The following NKAIN2 variants were observed in gnomAD, a reference collection of about 807,000 sequenced individuals.
NKAIN2 encodes sodium/potassium transporting ATPase interacting 2, also known as sodium/potassium-transporting ATPase subunit beta-1-interacting protein 2.
NKAIN2 carries 14 observed loss-of-function variants against 32.6 expected under a neutral mutation model. The observed-to-expected ratio is 0.43, with a 90% CI of 0.28 to 0.67. NKAIN2 has a LOEUF of 0.67. Among genes scored for constraint, NKAIN2 ranks in the 30% least tolerant of loss-of-function variants. The pLI, the probability that NKAIN2 is intolerant of heterozygous loss-of-function variation, is 0.17. For missense variants in NKAIN2, 198 were observed against 258.3 expected (o/e 0.77, Z 1.60); for synonymous variants, 80 against 87.2 (o/e 0.92, Z 0.46).
chr6:124,542,448 T>C (rs1056450667), intron 3 of NKAIN2, among the ~76,000 whole-genome samples: 11 of 152,246 alleles, frequency 7.2e-5, no homozygotes, highest in Admixed American at 5.9e-4. Context: ...CGAATAGGTG[T>C]CTTGGACAAC....
At chr6:124,329,044 G>A (rs1797543633) in intron 2 of NKAIN2, among the ~76,000 whole-genome samples, 2 of 152,196 alleles carry the variant, frequency 1.3e-5, no homozygotes, top group South Asian at 4.1e-4. Context: ...CCCCACTGCT[G>A]CAGATGGTTG....
At chr6:124,578,582 G>C (rs115522104) in intron 3 of NKAIN2, among the ~76,000 whole-genome samples, 1 of 152,062 alleles carries the variant, frequency 6.6e-6, no homozygotes, top group South Asian at 2.1e-4. Context: ...AGATTTCTAA[G>C]GGTTTCAACT....
At chr6:123,984,822 T>A (rs1230631031) in intron 1 of NKAIN2, among the ~76,000 whole-genome samples, 1 of 152,160 alleles carries the variant, frequency 6.6e-6, no homozygotes, top group Non-Finnish European at 1.5e-5. Context: ...AGTTGAGACA[T>A]GTATTGATTA....
intron 1 of NKAIN2, among the ~76,000 whole-genome samples, chr6:124,115,916 G>C (rs1378675900): frequency 6.6e-6 from 1 of 151,956 alleles, no homozygotes; most frequent in Non-Finnish European, 1.5e-5. Context: ...TGGTGTCTTA[G>C]TGTGCTATGT....
chr6:124,133,944 A>G (rs1786603974), intron 1 of NKAIN2, among the ~76,000 whole-genome samples: 1 of 152,186 alleles, frequency 6.6e-6, no homozygotes, highest in African/African-American at 2.4e-5. Context: ...GAACCAAAAA[A>G]GTAGTTTTGG....
At chr6:124,079,834 A>T (rs866421121) in intron 1 of NKAIN2, among the ~76,000 whole-genome samples, 1 of 152,100 alleles carries the variant, frequency 6.6e-6, no homozygotes, top group South Asian at 2.1e-4. Flanking sequence ...GTCTCCCGAA[A>T]CACAGGAAAC....
At chr6:124,636,177 C>T (rs553293193) in intron 3 of NKAIN2, among the ~76,000 whole-genome samples, 4 of 150,896 alleles carry the variant, frequency 2.7e-5, no homozygotes, top group South Asian at 2.1e-4. Flanking sequence ...GAAAACTGAA[C>T]AACATTTTGC....
At chr6:124,570,350 G>C (rs1200911470) in intron 3 of NKAIN2, among the ~76,000 whole-genome samples, 1 of 152,156 alleles carries the variant, frequency 6.6e-6, no homozygotes, top group Non-Finnish European at 1.5e-5. Flanking sequence ...TAATCCCCAA[G>C]ACCATGGGGA....
chr6:123,962,943 T>C (rs1266501206), intron 1 of NKAIN2, among the ~76,000 whole-genome samples: 5 of 152,188 alleles, frequency 3.3e-5, no homozygotes. Flanking sequence ...CCAACTCCCC[T>C]TGGACCTCAG....
rs138065018 is a variant in NKAIN2, at chr6:124,823,408, G to A, written c.*179G>A. The A allele has an allele frequency of 6.5e-4, 384 of 586,684 alleles. 3 individuals are homozygous for A. Among genetic ancestry groups the A allele is most frequent in the Middle Eastern group, 2.9e-3 (7 of 2,408 alleles). The allele number at this position is 586,684 out of a possible 1,614,324, so 36.3% of individuals were successfully genotyped here. ...CACACACACACACACACGTGAGCAC[G>A]CACACACCAATTCCACTTGACCTCC... is the stretch of plus-strand genomic sequence containing the variant. On this transcript the variant is annotated 3_prime_UTR_variant, in exon 7 of 7. Coordinates refer to ENST00000368417, the MANE Select transcript of NKAIN2 (RefSeq NM_001040214.3).
At chr6:123,946,009 A>C (rs1372820693) in intron 1 of NKAIN2, among the ~76,000 whole-genome samples, 3 of 152,132 alleles carry the variant, frequency 2.0e-5, no homozygotes, top group African/African-American at 7.2e-5. Flanking sequence ...TATCAAGTTC[A>C]TTCCATTTTT....
chr6:124,783,777 A>G (rs1435149138), intron 4 of NKAIN2, among the ~76,000 whole-genome samples: 1 of 152,224 alleles, frequency 6.6e-6, no homozygotes, highest in Non-Finnish European at 1.5e-5. Context: ...TGTAGATGGA[A>G]TAAGATGAAA....
At chr6:124,812,998 G>T (rs184605950) in intron 5 of NKAIN2, among the ~76,000 whole-genome samples, 1 of 146,050 alleles carries the variant, frequency 6.8e-6, no homozygotes, top group East Asian at 2.0e-4. Flanking sequence ...ATGCCAAGTC[G>T]CATGAAAGAA....
At chr6:124,345,851 T>C (rs1359746803) in intron 2 of NKAIN2, among the ~76,000 whole-genome samples, 3 of 152,162 alleles carry the variant, frequency 2.0e-5, no homozygotes, top group Admixed American at 6.5e-5. Context: ...GTGTTCTGAT[T>C]TTAGTTATTT....
intron 3 of NKAIN2, among the ~76,000 whole-genome samples, chr6:124,489,291 C>A (rs1777770111): frequency 6.6e-6 from 1 of 151,968 alleles, no homozygotes; most frequent in East Asian, 1.9e-4. Context: ...TGAAACTTGC[C>A]ATGTCATTTG....
chr6:123,932,715 C>T (rs1177515884), intron 1 of NKAIN2, among the ~76,000 whole-genome samples: 2 of 151,624 alleles, frequency 1.3e-5, no homozygotes, highest in Non-Finnish European at 2.9e-5. Context: ...CCGCGCCCAG[C>T]CTTTCTTTCT....
At chr6:124,096,161 T>A (rs749377129) in intron 1 of NKAIN2, among the ~76,000 whole-genome samples, 13 of 152,224 alleles carry the variant, frequency 8.5e-5, no homozygotes, top group Non-Finnish European at 1.5e-4. Context: ...GGTGAACTAT[T>A]ATAACTACAA....
intron 1 of NKAIN2, among the ~76,000 whole-genome samples, chr6:124,259,671 G>T (rs1794130766): frequency 6.6e-6 from 1 of 152,154 alleles, no homozygotes; most frequent in African/African-American, 2.4e-5. Context: ...CAGGCCAGAA[G>T]ACAGAAGAAA....
At chr6:124,515,843 G>A (rs905231451) in intron 3 of NKAIN2, among the ~76,000 whole-genome samples, 9 of 151,346 alleles carry the variant, frequency 5.9e-5, no homozygotes, top group East Asian at 3.9e-4. Context: ...GGCTGTTCTC[G>A]TTTTTAATCT....
Sources: allele counts gnomAD v4.1 joint callset (sites outside exome capture counted in the v4.1 genomes callset), GRCh38; gene constraint gnomAD v4.1.1; transcripts MANE v1.5; gene names NCBI Gene and HGNC (gene_info 2026-07-23, HGNC 2026-07-21).